CRACD: variants seen among roughly 807,000 people sequenced by gnomAD.
CRACD encodes capping protein inhibiting regulator of actin dynamics.
A neutral mutation model predicts 106.8 loss-of-function variants in CRACD; 56 were observed. The observed-to-expected ratio is 0.52, with a 90% CI of 0.42 to 0.66. The LOEUF (loss-of-function observed/expected upper bound fraction) is 0.66. CRACD is among the 30% of genes least tolerant of loss of function. The pLI is 0.00. For synonymous variants in CRACD, 754 were observed against 670.8 expected (o/e 1.12, Z -1.92); for missense variants, 1,730 against 1,623.2 (o/e 1.07, Z -1.13).
chr4:56,118,989 G>A (rs530589449), intron 1 of CRACD, among the ~76,000 whole-genome samples: 40 of 152,218 alleles, frequency 2.6e-4, no homozygotes, highest in Non-Finnish European at 3.8e-4. Context: ...AAAACATACA[G>A]AACAATACAG....
Position 56,314,809 on chromosome 4 carries a change from T to C in CRACD, c.1307T>C (p.Leu436Pro). ...FEERLEDQER[L>P]KPEGQREHSE... ...GAGAGGCTCGAAGACCAGGAACGCC[T>C]GAAACCCGAAGGACAAAGAGAACAC... The change falls in exon 8 of 11, where the codon CTG becomes CCG. Residue 436 changes from leucine to proline, a missense_variant. Physicochemically the swap from Leu to Pro is moderately conservative, Grantham distance 98. This residue lies in a region of CRACD where 1,620 missense variants were observed against 1,481.6 expected (regional missense o/e 1.09). Coordinates refer to ENST00000682029, the MANE Select transcript of CRACD (RefSeq NM_001393381.1). This position sits in a 1 kb window ranked among gnomAD's most constrained non-coding sequence, Gnocchi z 4.4. The C allele has an allele frequency of 6.2e-7, 1 of 1,607,284 alleles. No homozygotes were observed. Among genetic ancestry groups the C allele is most frequent in the Non-Finnish European group, 8.5e-7 (1 of 1,177,896 alleles).
In CRACD at chr4:56,304,559, C is replaced by G. The variant is rs58527926; in HGVS notation, c.121-2976C>G. ...TCGGGAGGCGGAGGCAGGAGGACTG[C>G]TTGAGTCTAGGAGTTCCCGACCAGC... On this transcript the variant is annotated intron_variant, in intron 4 of 10. Transcript: ENST00000682029. Among the ~76,000 whole-genome samples, 943 of 152,136 alleles carry G rather than the reference C, an allele frequency of 6.2e-3. 8 individuals are homozygous for G. Among genetic ancestry groups the G allele is most frequent in the African/African-American group, 0.021 (882 of 41,512 alleles).
In CRACD at chr4:56,078,690, A is replaced by C. The variant is rs189327215; in HGVS notation, c.-336+29391A>C. The stretch of plus-strand genomic sequence containing the variant: ...CTTGGTCTCCCAAAGTGCTAGAAGT[A>C]CAGGTGTAAGCCACTGCACCGGGCA... On this transcript the variant is annotated intron_variant, in intron 1 of 10. Coordinates refer to ENST00000682029, the MANE Select transcript of CRACD (RefSeq NM_001393381.1). Among the ~76,000 whole-genome samples the C allele has an allele frequency of 2.6e-5, 4 of 152,324 alleles. No homozygotes were observed. In the East Asian group the frequency reaches 5.8e-4, roughly 22 times the overall value.
At chr4:56,324,933 C>T (rs945301872) in intron 10 of CRACD, among the ~76,000 whole-genome samples, 5 of 151,828 alleles carry the variant, frequency 3.3e-5, no homozygotes, top group African/African-American at 1.2e-4. Flanking sequence ...CCAACTTACC[C>T]TGATTGATCA....
chr4:56,075,848 A>T (rs1732823475), intron 1 of CRACD, among the ~76,000 whole-genome samples: 1 of 152,150 alleles, frequency 6.6e-6, no homozygotes, highest in Non-Finnish European at 1.5e-5. Context: ...ACTCTGTCAT[A>T]TGGGTTTACC....
intron 1 of CRACD, among the ~76,000 whole-genome samples, chr4:56,089,785 T>C (rs534902351): frequency 6.6e-6 from 1 of 152,252 alleles, no homozygotes; most frequent in East Asian, 1.9e-4. Context: ...AGTGCTGCGA[T>C]TACAGGCATG....
intron 2 of CRACD, among the ~76,000 whole-genome samples, chr4:56,229,460 C>T (rs537531511): frequency 6.6e-6 from 1 of 152,310 alleles, no homozygotes; most frequent in East Asian, 1.9e-4. Flanking sequence ...TCTTGGACTT[C>T]CCAGCCTCTA....
chr4:56,231,152 T>C (rs1478459755), intron 2 of CRACD, among the ~76,000 whole-genome samples: 1 of 152,198 alleles, frequency 6.6e-6, no homozygotes, highest in Non-Finnish European at 1.5e-5. Context: ...TAGGCTATGT[T>C]CTTGTACATC....
In CRACD at chr4:56,281,419, G is replaced by T. The variant is rs187623402; in HGVS notation, c.-17+8927G>T. On this transcript the variant is annotated intron_variant, in intron 3 of 10. Coordinates refer to ENST00000682029, the MANE Select transcript of CRACD (RefSeq NM_001393381.1). ...GCTGAAAAGGTTGGGGACTGCTGAG[G>T]TATAGCGATTCTTAGAGATACAATA... Among the ~76,000 whole-genome samples, 224 of 152,244 alleles carry T rather than the reference G, an allele frequency of 1.5e-3. 1 individual carries two copies. The highest frequency in any genetic ancestry group is 5.2e-3 in the African/African-American group (217 of 41,550).
chr4:56,138,872 T>C (rs964591212), intron 1 of CRACD, among the ~76,000 whole-genome samples: 2 of 152,232 alleles, frequency 1.3e-5, no homozygotes, highest in Non-Finnish European at 2.9e-5. Context: ...TGATTCAAGG[T>C]TTCCATCTTT....
At chr4:56,185,462 A>G (rs182784336) in intron 2 of CRACD, among the ~76,000 whole-genome samples, 1 of 152,282 alleles carries the variant, frequency 6.6e-6, no homozygotes, top group East Asian at 1.9e-4. Flanking sequence ...CAAATTGTAC[A>G]ATCTGTGATG....
intron 2 of CRACD, among the ~76,000 whole-genome samples, chr4:56,208,400 A>G (rs773553551): frequency 7.2e-5 from 11 of 152,190 alleles, no homozygotes; most frequent in Non-Finnish European, 1.5e-4. Context: ...GTTCTCAGTC[A>G]GTGGACCATA....
intron 1 of CRACD, among the ~76,000 whole-genome samples, chr4:56,135,714 C>T (rs558681737): frequency 3.4e-4 from 51 of 152,184 alleles, no homozygotes; most frequent in African/African-American, 1.1e-3. Flanking sequence ...CAGTTCCACG[C>T]GCAGGTAACT....
At chr4:56,081,047 GA>G (rs1481307622) in intron 1 of CRACD, among the ~76,000 whole-genome samples, 1 of 152,064 alleles carries the variant, frequency 6.6e-6, no homozygotes, top group Non-Finnish European at 1.5e-5. Flanking sequence ...TGTAGAGATG[GA>G]GGTCTCACTA....
intron 1 of CRACD, among the ~76,000 whole-genome samples, chr4:56,051,265 T>C (rs1731864265): frequency 6.6e-6 from 1 of 152,220 alleles, no homozygotes; most frequent in South Asian, 2.1e-4. Flanking sequence ...TGTTTACTTT[T>C]TATTCAACGA....
At chr4:56,103,647 G>C (rs1227053870) in intron 1 of CRACD, among the ~76,000 whole-genome samples, 1 of 152,196 alleles carries the variant, frequency 6.6e-6, no homozygotes, top group Non-Finnish European at 1.5e-5. Context: ...GGAATTGGCA[G>C]AGTTCACACA....
intron 2 of CRACD, among the ~76,000 whole-genome samples, chr4:56,252,560 G>A (rs1741116285): frequency 6.6e-6 from 1 of 152,176 alleles, no homozygotes; most frequent in African/African-American, 2.4e-5. Flanking sequence ...GCTAGCCATA[G>A]TCCCAGATCT....
At chr4:56,256,987 A>G (rs2109603809) in intron 2 of CRACD, among the ~76,000 whole-genome samples, 1 of 151,628 alleles carries the variant, frequency 6.6e-6, no homozygotes, top group South Asian at 2.1e-4. Context: ...GATGGAACAG[A>G]CTCTTTGAGG....
At chr4:56,131,443 C>A (rs1267698625) in intron 1 of CRACD, among the ~76,000 whole-genome samples, 2 of 152,082 alleles carry the variant, frequency 1.3e-5, no homozygotes. Flanking sequence ...TTGCTGAAAT[C>A]GTATATAGGC....
Sources: allele counts gnomAD v4.1 joint callset (sites outside exome capture counted in the v4.1 genomes callset), GRCh38; gene constraint gnomAD v4.1.1; regional missense constraint gnomAD v4.1.1; non-coding constraint Gnocchi (gnomAD v3.1); transcripts MANE v1.5; gene names NCBI Gene and HGNC (gene_info 2026-07-23, HGNC 2026-07-21).